The following PALLD variants were observed in gnomAD, a reference collection of about 807,000 sequenced individuals.
The protein encoded by PALLD is palladin, cytoskeletal associated protein, also known as palladin.
In PALLD, 61 loss-of-function variants were observed where a neutral mutation model predicts 123.5. The observed-to-expected ratio is 0.49, with a 90% CI of 0.40 to 0.61. The LOEUF (loss-of-function observed/expected upper bound fraction) is 0.61, where lower values mean the gene tolerates loss of function less well. PALLD is among the 20% of genes least tolerant of loss of function. The pLI, the probability that PALLD is intolerant of heterozygous loss-of-function variation, is 0.00. For synonymous variants in PALLD, 465 were observed against 496.4 expected, an observed-to-expected ratio of 0.94 and a Z score of 0.84; for missense variants, 1,273 against 1,377.0, an observed-to-expected ratio of 0.92 and a Z score of 1.20.
intron 3 of PALLD, among the ~76,000 whole-genome samples, chr4:168,671,295 A>C (rs1780251428): frequency 6.6e-6 from 1 of 152,208 alleles, no homozygotes. Context: ...CTCTTTTGCC[A>C]GTCCTTTCAA....
At position 168,711,886 on chromosome 4, in the gene PALLD, A is replaced by G; in HGVS notation, c.1927A>G (p.Thr643Ala). Residue 643 changes from threonine (T) to alanine (A), a missense_variant, in exon 10 of 22, where the codon ACT becomes GCT. Thr to Ala is a moderately conservative substitution (Grantham distance 58). This residue lies in a region of PALLD where 944 missense variants were observed against 954.5 expected (regional missense o/e 0.99). Coordinates refer to ENST00000505667, the MANE Select transcript of PALLD (RefSeq NM_001166108.2). ...LPTPAVLLSP[T>A]KEPPPLLAKP... is the part of the protein sequence containing the mutation. ...AACACCAGCTGTCCTGCTTTCACCCACTAAGGAGCCACCACCTCTGCTTGC... is the reference window on the plus strand; with the variant it reads ...AACACCAGCTGTCCTGCTTTCACCCGCTAAGGAGCCACCACCTCTGCTTGC... 2 of 1,614,152 alleles carry G rather than the reference A, an allele frequency of 1.2e-6. No homozygotes were observed. Among genetic ancestry groups the G allele is most frequent in the Non-Finnish European group, 8.5e-7 (1 of 1,180,026 alleles).
intron 2 of PALLD, among the ~76,000 whole-genome samples, chr4:168,616,283 G>T (rs1259224768): frequency 6.6e-6 from 1 of 151,968 alleles, no homozygotes; most frequent in Non-Finnish European, 1.5e-5. Context: ...CTCATTTTGG[G>T]TCTTAAGGAT....
intron 10 of PALLD, among the ~76,000 whole-genome samples, chr4:168,828,494 GATCA>G (rs1161361888): frequency 5.3e-5 from 8 of 152,190 alleles, no homozygotes; most frequent in Non-Finnish European, 1.2e-4. Context: ...TAGTTAGATA[GATCA>G]ATCAGTCGAT....
chr4:168,856,012 C>T (rs1748556997), intron 10 of PALLD, among the ~76,000 whole-genome samples: 1 of 152,210 alleles, frequency 6.6e-6, no homozygotes, highest in Non-Finnish European at 1.5e-5. Flanking sequence ...CCTTCTCTCC[C>T]CACTTTTGGA....
intron 2 of PALLD, among the ~76,000 whole-genome samples, chr4:168,542,910 A>G (rs1346483021): frequency 6.6e-6 from 1 of 151,474 alleles, no homozygotes; most frequent in Non-Finnish European, 1.5e-5. Context: ...CCATTTCCAG[A>G]CAGTCTCCAC....
At chr4:168,701,340 C>A (rs975563476) in intron 8 of PALLD, among the ~76,000 whole-genome samples, 1 of 152,202 alleles carries the variant, frequency 6.6e-6, no homozygotes, top group African/African-American at 2.4e-5. Context: ...AAGCAGGGAC[C>A]TAATTATGCA....
At chr4:168,925,350 TG>T in intron 21 of PALLD, 72 bp downstream of exon 21, 1 of 1,161,408 alleles carries the variant, frequency 8.6e-7, no homozygotes, top group Non-Finnish European at 1.3e-6. Context: ...TAGTTAGTTG[TG>T]GCTTCCTTAC....
rs530747931 is a variant in PALLD, at chr4:168,899,977, A to T, written c.2472+1263A>T. 2.0e-5 allele frequency among the ~76,000 whole-genome samples: 3 copies of T among 152,296 alleles called. No individual in the cohort carries two copies. The East Asian group carries it at 5.8e-4, about 29-fold the overall frequency. The stretch of plus-strand genomic sequence containing the variant: ...TGGCTCACAGTTCTGCATGGTATAC[A>T]GAAGTGTAGTACCAGAATCTTCTCC... On this transcript the variant is annotated intron_variant, in intron 14 of 21. Coordinates refer to ENST00000505667, the MANE Select transcript of PALLD (RefSeq NM_001166108.2).
At chr4:168,685,705 T>C in intron 6 of PALLD, 146 bp downstream of exon 6, 2 of 715,912 alleles carry the variant, frequency 2.8e-6, no homozygotes, top group African/African-American at 1.7e-5. Flanking sequence ...TAAATAGATA[T>C]TTGTTGAACG....
At chr4:168,517,332 T>C (rs1435374107) in intron 2 of PALLD, among the ~76,000 whole-genome samples, 1 of 152,194 alleles carries the variant, frequency 6.6e-6, no homozygotes, top group Admixed American at 6.5e-5. Flanking sequence ...AATCCAGTAA[T>C]GTGCTTTAAT....
chr4:168,629,434 T>G (rs76958412), intron 2 of PALLD, among the ~76,000 whole-genome samples: 3,981 of 152,344 alleles, frequency 0.026, 173 homozygotes, highest in African/African-American at 0.086. Flanking sequence ...ATGTATGGAC[T>G]GGGCATATGG....
intron 10 of PALLD, among the ~76,000 whole-genome samples, chr4:168,813,609 C>T (rs968273425): frequency 1.3e-5 from 2 of 152,070 alleles, no homozygotes; most frequent in Non-Finnish European, 2.9e-5. Context: ...CGGCACATGC[C>T]ACCACACCCA....
At chr4:168,552,656 T>G (rs772639542) in intron 2 of PALLD, among the ~76,000 whole-genome samples, 6 of 151,400 alleles carry the variant, frequency 4.0e-5, no homozygotes, top group Non-Finnish European at 5.9e-5. Flanking sequence ...TTTTGGGGGG[T>G]TTTCTTGTTT....
At chr4:168,704,410 G>A (rs113243969) in intron 8 of PALLD, among the ~76,000 whole-genome samples, 26,800 of 152,020 alleles carry the variant, frequency 0.18, 2,974 homozygotes, top group East Asian at 0.33. Flanking sequence ...GGTGGCTCAC[G>A]CCTGTAATCC....
intron 10 of PALLD, chr4:168,878,506 G>GT (rs1372567998): frequency 2.7e-6 from 2 of 747,604 alleles, no homozygotes; most frequent in East Asian, 3.3e-5. Context: ...GAGCGCCCCA[G>GT]TAACATTTCA....
intron 10 of PALLD, among the ~76,000 whole-genome samples, chr4:168,745,632 C>T (rs955262959): frequency 1.3e-5 from 2 of 152,150 alleles, no homozygotes; most frequent in African/African-American, 4.8e-5. Context: ...CATTTTACAA[C>T]ACATTCTAGT....
chr4:168,511,801 A>C lies in PALLD; in HGVS notation c.297A>C (p.Ser99=). The part of the protein sequence containing the change: ...HASRRPQDNR[S]TPVQPLAEKQ... ...CGAGGAGACCTCAGGATAACAGGTCAACACCTGTCCAGCCTCTGGCAGAGA... is the reference window on the plus strand; with the variant it reads ...CGAGGAGACCTCAGGATAACAGGTCCACACCTGTCCAGCCTCTGGCAGAGA... Residue 99 remains serine, a synonymous_variant, in exon 2 of 22, where the codon TCA becomes TCC. Coordinates refer to ENST00000505667, the MANE Select transcript of PALLD (RefSeq NM_001166108.2). 6.2e-7 allele frequency: 1 copy of C among 1,614,148 alleles called. No individual in the cohort carries two copies. Among genetic ancestry groups the C allele is most frequent in the Non-Finnish European group, 8.5e-7 (1 of 1,179,986 alleles).
intron 2 of PALLD, among the ~76,000 whole-genome samples, chr4:168,610,619 T>G (rs1019920869): frequency 6.6e-6 from 1 of 152,036 alleles, no homozygotes; most frequent in Non-Finnish European, 1.5e-5. Flanking sequence ...ACCAAAGGGG[T>G]AGAAATAAAC....
At chr4:168,755,181 C>T (rs377449102) in intron 10 of PALLD, among the ~76,000 whole-genome samples, 5 of 147,796 alleles carry the variant, frequency 3.4e-5, no homozygotes, top group Non-Finnish European at 4.4e-5. Context: ...TGCGGTGAGC[C>T]GAGATTGCAC....
Sources: allele counts gnomAD v4.1 joint callset (sites outside exome capture counted in the v4.1 genomes callset), GRCh38; gene constraint gnomAD v4.1.1; regional missense constraint gnomAD v4.1.1; transcripts MANE v1.5; gene names NCBI Gene and HGNC (gene_info 2026-07-23, HGNC 2026-07-21).